MARCHF11: variants seen among roughly 807,000 people sequenced by gnomAD.
MARCHF11 encodes the protein membrane associated ring-CH-type finger 11.
Under a neutral mutation model 37.3 loss-of-function variants are expected in MARCHF11, and 29 were observed. That is an observed-to-expected ratio of 0.78 (90% CI 0.58 to 1.06). The LOEUF is 1.06. Among genes scored for constraint, MARCHF11 ranks in the 50% least tolerant of loss-of-function variants. MARCHF11 has a pLI of 0.00. For synonymous variants in MARCHF11, 233 were observed against 228.0 expected, an observed-to-expected ratio of 1.02 and a Z score of -0.20; for missense variants, 482 against 533.4, an observed-to-expected ratio of 0.90 and a Z score of 0.95.
intron 3 of MARCHF11, among the ~76,000 whole-genome samples, chr5:16,074,795 C>A (rs1736490903): frequency 6.6e-6 from 1 of 152,132 alleles, no homozygotes; most frequent in South Asian, 2.1e-4. Context: ...CAACCCACCC[C>A]CAAGTAGATA....
chr5:16,086,799 T>C (rs926572037), intron 3 of MARCHF11, among the ~76,000 whole-genome samples: 13 of 152,236 alleles, frequency 8.5e-5, no homozygotes, highest in African/African-American at 3.1e-4. Flanking sequence ...TTAATAAACA[T>C]ATTCTTCTTG....
At chr5:16,163,336 T>TA (rs1478061435) in intron 2 of MARCHF11, among the ~76,000 whole-genome samples, 1 of 151,932 alleles carries the variant, frequency 6.6e-6, no homozygotes, top group African/African-American at 2.4e-5. Context: ...CATAAATTCA[T>TA]AGGTTAACAG....
intron 2 of MARCHF11, among the ~76,000 whole-genome samples, chr5:16,121,374 G>A (rs773007888): frequency 2.0e-5 from 3 of 152,044 alleles, no homozygotes; most frequent in South Asian, 2.1e-4. Context: ...ACTTTCTTTC[G>A]TTTTATTCAT....
Position 16,179,299 on chromosome 5 carries a change from C to T in MARCHF11, c.277G>A (p.Gly93Ser). 1 of 1,275,314 alleles carries T rather than the reference C, an allele frequency of 7.8e-7. No individual in the cohort carries two copies. Among genetic ancestry groups the T allele is most frequent in the Non-Finnish European group, 9.9e-7 (1 of 1,012,224 alleles). 79.0% of individuals were successfully genotyped at this position (1,275,314 alleles called of 1,614,324 possible). A position where few individuals can be genotyped will look rare whatever the true frequency, so the allele number is the denominator to read the frequency against. ...TCGCCGGCCGCCGCCACTTCCTGGC[C>T]GGCGGGCTGCAGGGGCAGGGGCGGA... Reference protein sequence around the residue: ...PPPPLPLQPAGQEVAAAGDSG... With the variant: ...PPPPLPLQPASQEVAAAGDSG... The change falls in exon 1 of 4, where the codon GGC becomes AGC. Residue 93 changes from glycine (G) to serine (S), a missense_variant. Gly to Ser is a moderately conservative substitution (Grantham distance 56). Coordinates refer to ENST00000332432, the MANE Select transcript of MARCHF11 (RefSeq NM_001102562.3).
chr5:16,105,245 G>A (rs1737018203), intron 2 of MARCHF11, among the ~76,000 whole-genome samples: 4 of 152,148 alleles, frequency 2.6e-5, no homozygotes, highest in Admixed American at 2.6e-4. Context: ...ATAAAGAACT[G>A]TAAATCTCTT....
At chr5:16,164,418 C>T (rs1738137031) in intron 2 of MARCHF11, among the ~76,000 whole-genome samples, 1 of 152,030 alleles carries the variant, frequency 6.6e-6, no homozygotes, top group African/African-American at 2.4e-5. Flanking sequence ...AAATCAACTA[C>T]ACCATACAGA....
intron 3 of MARCHF11, among the ~76,000 whole-genome samples, chr5:16,069,387 G>A (rs1736399447): frequency 6.6e-6 from 1 of 152,064 alleles, no homozygotes; most frequent in African/African-American, 2.4e-5. Flanking sequence ...TTGGGAAGTG[G>A]CTTCAAAGAG....
At chr5:16,099,381 C>T (rs957488617) in intron 2 of MARCHF11, among the ~76,000 whole-genome samples, 16 of 152,162 alleles carry the variant, frequency 1.1e-4, no homozygotes, top group African/African-American at 3.9e-4. Flanking sequence ...GGTTCCTCAA[C>T]TGTTTACATA....
chr5:16,074,452 A>G (rs1579672947), intron 3 of MARCHF11, among the ~76,000 whole-genome samples: 2 of 152,352 alleles, frequency 1.3e-5, no homozygotes, highest in East Asian at 1.9e-4. Flanking sequence ...GATAAATGAA[A>G]CAAAAAGCAG....
chr5:16,123,563 G>A (rs1439255773), intron 2 of MARCHF11, among the ~76,000 whole-genome samples: 1 of 152,160 alleles, frequency 6.6e-6, no homozygotes, highest in African/African-American at 2.4e-5. Flanking sequence ...AGATAGTCCT[G>A]TGTGGCCTTG....
chr5:16,172,929 G>T (rs1738294697), intron 2 of MARCHF11, among the ~76,000 whole-genome samples: 1 of 152,164 alleles, frequency 6.6e-6, no homozygotes, highest in South Asian at 2.1e-4. Context: ...GAATCCCAGG[G>T]TTTTAAGAAC....
At chr5:16,123,211 C>A (rs1737341568) in intron 2 of MARCHF11, among the ~76,000 whole-genome samples, 1 of 152,096 alleles carries the variant, frequency 6.6e-6, no homozygotes, top group South Asian at 2.1e-4. Flanking sequence ...TACAATGTGG[C>A]TGCATTTGGA....
chr5:16,082,201 G>C (rs546493923), intron 3 of MARCHF11, among the ~76,000 whole-genome samples: 1 of 152,334 alleles, frequency 6.6e-6, no homozygotes, highest in South Asian at 2.1e-4. Context: ...AGGATCCGAG[G>C]CAGGGACTCC....
intron 2 of MARCHF11, among the ~76,000 whole-genome samples, chr5:16,095,463 G>GGGAAGGAA (rs200720532): frequency 1.8e-4 from 24 of 132,254 alleles, no homozygotes; most frequent in East Asian, 9.4e-4. Context: ...CAGGGAAGGA[G>GGGAAGGAA]GGAAGGAAGG....
chr5:16,159,823 T>C (rs1230225946), intron 2 of MARCHF11, among the ~76,000 whole-genome samples: 1 of 151,910 alleles, frequency 6.6e-6, no homozygotes, highest in Non-Finnish European at 1.5e-5. Context: ...CCTCTGGTTG[T>C]TAACTAAGAA....
chr5:16,161,480 G>A (rs529312103), intron 2 of MARCHF11, among the ~76,000 whole-genome samples: 3 of 151,838 alleles, frequency 2.0e-5, no homozygotes, highest in South Asian at 2.1e-4. Flanking sequence ...TTTGGGAAAC[G>A]GATTATTCCA....
intron 2 of MARCHF11, among the ~76,000 whole-genome samples, chr5:16,124,300 G>A (rs2126579277): frequency 6.6e-6 from 1 of 152,286 alleles, no homozygotes; most frequent in South Asian, 2.1e-4. Flanking sequence ...TCACAGGAGG[G>A]ACTATTAGCA....
chr5:16,103,902 C>T (rs1044582790), intron 2 of MARCHF11, among the ~76,000 whole-genome samples: 3 of 151,970 alleles, frequency 2.0e-5, no homozygotes, highest in Non-Finnish European at 2.9e-5. Context: ...GGCATGTAAG[C>T]GAAGTTCTCA....
At chr5:16,161,186 TC>T (rs1738071379) in intron 2 of MARCHF11, among the ~76,000 whole-genome samples, 1 of 82,090 alleles carries the variant, frequency 1.2e-5, no homozygotes, top group South Asian at 5.3e-4. Context: ...CCCTCCCCCC[TC>T]CCCCCACCCC....
Sources: gnomAD v4.1 joint callset for allele counts (sites outside exome capture counted in the v4.1 genomes callset) on GRCh38, gnomAD v4.1.1 for gene constraint, MANE v1.5 for transcripts, NCBI Gene and HGNC (gene_info 2026-07-23, HGNC 2026-07-21) for gene names.